The following NCOA2 variants were observed in gnomAD, a reference collection of about 807,000 sequenced individuals.
NCOA2 encodes the protein nuclear receptor coactivator 2, also known as class E basic helix-loop-helix protein 75.
A neutral mutation model predicts 145.1 loss-of-function variants in NCOA2; 21 were observed. The observed-to-expected ratio is 0.14, with a 90% confidence interval of 0.10 to 0.21. The LOEUF (loss-of-function observed/expected upper bound fraction) is 0.21, where lower values mean the gene tolerates loss of function less well. Ranked by LOEUF, NCOA2 falls within the 10% of genes least tolerant of loss-of-function variation. NCOA2 has a pLI of 1.00. For missense variants in NCOA2, 1,472 were observed against 1,837.6 expected (o/e 0.80, Z 3.64); for synonymous variants, 619 against 637.5 (o/e 0.97, Z 0.44).
At chr8:70,424,884 G>A in the NCOA2 span, among the ~76,000 whole-genome samples, 26 of 152,282 alleles carry the variant, frequency 1.7e-4, no homozygotes, top group East Asian at 4.6e-3. Context: ...TAGCTCAAGG[G>A]CAGTTCAAAA....
intron 1 of NCOA2, among the ~76,000 whole-genome samples, chr8:70,390,963 T>C (rs772316194): frequency 6.6e-6 from 1 of 152,168 alleles, no homozygotes; most frequent in Non-Finnish European, 1.5e-5. Flanking sequence ...TGAACCCCTA[T>C]GCACACTGTG....
intron 1 of NCOA2, among the ~76,000 whole-genome samples, chr8:70,354,908 T>C (rs749701606): frequency 1.8e-4 from 28 of 152,206 alleles, no homozygotes; most frequent in Non-Finnish European, 5.9e-5. Context: ...ACAGTACCAA[T>C]ATAATGAATT....
intron 7 of NCOA2, 40 bp from the exon 8 acceptor site, chr8:70,163,606 T>G: frequency 6.6e-7 from 1 of 1,507,162 alleles, no homozygotes; most frequent in South Asian, 1.1e-5. Context: ...ATTGGGCTTT[T>G]CTAGTGATTC....
At chr8:70,228,226 G>C (rs892210332) in intron 2 of NCOA2, among the ~76,000 whole-genome samples, 1 of 152,122 alleles carries the variant, frequency 6.6e-6, no homozygotes, top group African/African-American at 2.4e-5. Flanking sequence ...CATTCTGTAA[G>C]ATCACGATTT....
chr8:70,259,252 A>ACT (rs1467209391), intron 2 of NCOA2, among the ~76,000 whole-genome samples: 1 of 152,236 alleles, frequency 6.6e-6, no homozygotes, highest in African/African-American at 2.4e-5. Flanking sequence ...CTACGCTGAC[A>ACT]GAGCCTTTTG....
At chr8:70,326,113 C>G (rs1246307988) in intron 1 of NCOA2, among the ~76,000 whole-genome samples, 1 of 152,136 alleles carries the variant, frequency 6.6e-6, no homozygotes. Flanking sequence ...ACACTTTTGT[C>G]AATTCTTCCT....
intron 1 of NCOA2, among the ~76,000 whole-genome samples, chr8:70,335,736 T>C (rs769551230): frequency 4.6e-5 from 7 of 152,136 alleles, no homozygotes; most frequent in Non-Finnish European, 7.3e-5. Context: ...TTCCAAGAAA[T>C]GCATCGTTAG....
intron 1 of NCOA2, among the ~76,000 whole-genome samples, chr8:70,325,844 G>A (rs1270579759): frequency 6.6e-6 from 1 of 152,122 alleles, no homozygotes; most frequent in Non-Finnish European, 1.5e-5. Flanking sequence ...CTGCCATTCT[G>A]ATCTTTCTGG....
intron 1 of NCOA2, among the ~76,000 whole-genome samples, chr8:70,304,149 TAC>T (rs1208719667): frequency 1.3e-5 from 2 of 152,214 alleles, no homozygotes; most frequent in East Asian, 1.9e-4. Flanking sequence ...CTGTATAATA[TAC>T]AGTCATGCAC....
At chr8:70,442,099 A>G in the NCOA2 span, among the ~76,000 whole-genome samples, 1 of 126,216 alleles carries the variant, frequency 7.9e-6, no homozygotes, top group South Asian at 2.4e-4. Flanking sequence ...GAAAGAAAGA[A>G]GAAACAGAGA....
intron 2 of NCOA2, among the ~76,000 whole-genome samples, chr8:70,275,653 A>G (rs552384019): frequency 6.6e-6 from 1 of 152,338 alleles, no homozygotes; most frequent in East Asian, 1.9e-4. Context: ...TTTTGAATTA[A>G]TGTTTCTAAT....
intron 9 of NCOA2, 68 bp from the exon 10 acceptor site, chr8:70,159,720 CATA>C: frequency 7.1e-7 from 1 of 1,413,240 alleles, no homozygotes; most frequent in Non-Finnish European, 9.7e-7. Flanking sequence ...GAGGACAAGA[CATA>C]ATAAGAGTAA....
At chr8:70,439,620 G>A in the NCOA2 span, among the ~76,000 whole-genome samples, 33 of 152,250 alleles carry the variant, frequency 2.2e-4, no homozygotes, top group African/African-American at 7.9e-4. Flanking sequence ...GATCTAATAC[G>A]TGGATAAGGT....
chr8:70,341,082 G>GAAAAAAAAAAAAAA (rs3085558), intron 1 of NCOA2, among the ~76,000 whole-genome samples: 4 of 105,058 alleles, frequency 3.8e-5, no homozygotes, highest in African/African-American at 1.3e-4. Flanking sequence ...TTAAAAAGTT[G>GAAAAAAAAAAAAAA]AAAAAAAAAA....
chr8:70,428,871 A>AT, the NCOA2 span, among the ~76,000 whole-genome samples: 1 of 151,606 alleles, frequency 6.6e-6, no homozygotes, highest in East Asian at 1.9e-4. Context: ...TTTGCTAAAA[A>AT]AAAAAAAGTT....
At chr8:70,350,206 C>T (rs1809053539) in intron 1 of NCOA2, among the ~76,000 whole-genome samples, 1 of 152,122 alleles carries the variant, frequency 6.6e-6, no homozygotes, top group Admixed American at 6.6e-5. Flanking sequence ...CTTCTTAGCA[C>T]AGTATCCATA....
chr8:70,335,244 T>C (rs1451122506), intron 1 of NCOA2, among the ~76,000 whole-genome samples: 5 of 150,258 alleles, frequency 3.3e-5, no homozygotes, highest in African/African-American at 1.2e-4. Flanking sequence ...CCCCCCATAC[T>C]GGCTTTTCCC....
chr8:70,128,442 T>C lies in NCOA2; in HGVS notation c.3672A>G (p.Val1224=). ...TGGTATGTTGCCTTACCTGTGTTGG[T>C]ACTCCAGGCCTCAGAGTCAAGTTCA... ...SNVNLTLRPG[V]PTQAPINAQM... Residue 1224 remains valine (V), a synonymous_variant, in exon 18 of 23, where the codon GTA becomes GTG. Transcript: ENST00000452400. 1 of 1,612,114 alleles carries C rather than the reference T, an allele frequency of 6.2e-7. No homozygotes were observed. Among genetic ancestry groups the C allele is most frequent in the Non-Finnish European group, 8.5e-7 (1 of 1,179,168 alleles).
At chr8:70,282,013 G>A (rs1825922496) in intron 2 of NCOA2, among the ~76,000 whole-genome samples, 1 of 152,044 alleles carries the variant, frequency 6.6e-6, no homozygotes, top group East Asian at 1.9e-4. Context: ...ATAGTCTGTA[G>A]GAATATCATT....
Sources: gnomAD v4.1 joint callset for allele counts (sites outside exome capture counted in the v4.1 genomes callset) on GRCh38, gnomAD v4.1.1 for gene constraint, MANE v1.5 for transcripts, NCBI Gene and HGNC (gene_info 2026-07-23, HGNC 2026-07-21) for gene names.